LSAMP: variants seen among roughly 807,000 people sequenced by gnomAD.
LSAMP encodes the protein limbic system-associated membrane protein.
Under a neutral mutation model 38.6 loss-of-function variants are expected in LSAMP, and 7 were observed. The ratio of observed to expected loss-of-function variants is 0.18; its 90% CI spans 0.10 to 0.34. The LOEUF (loss-of-function observed/expected upper bound fraction) is 0.34, where lower values mean the gene tolerates loss of function less well. LSAMP is among the 10% of genes least tolerant of loss of function. LSAMP has a pLI of 1.00. For missense variants in LSAMP, 313 were observed against 420.0 expected (o/e 0.75, Z 2.23); for synonymous variants, 154 against 166.8 (o/e 0.92, Z 0.59).
intron 3 of LSAMP, among the ~76,000 whole-genome samples, chr3:115,916,376 A>G (rs1937251700): frequency 1.3e-5 from 2 of 152,224 alleles, no homozygotes; most frequent in African/African-American, 4.8e-5. Context: ...GCAGATAGAA[A>G]TTTAATATAC....
At chr3:116,254,749 G>A (rs1260852047) in intron 1 of LSAMP, among the ~76,000 whole-genome samples, 1 of 152,082 alleles carries the variant, frequency 6.6e-6, no homozygotes, top group Admixed American at 6.6e-5. Flanking sequence ...TTTGGAAGAT[G>A]CACCAATGGT....
At chr3:116,365,937 G>A (rs1451245237) in intron 1 of LSAMP, among the ~76,000 whole-genome samples, 7 of 88,780 alleles carry the variant, frequency 7.9e-5, no homozygotes, top group Admixed American at 1.5e-4. Context: ...TGGGTGCAGC[G>A]CACCAGCATG....
chr3:116,245,373 TACAG>T (rs2107642464), intron 1 of LSAMP, among the ~76,000 whole-genome samples: 1 of 152,288 alleles, frequency 6.6e-6, no homozygotes, highest in East Asian at 1.9e-4. Context: ...TAATACATGT[TACAG>T]ACAAATAATC....
intron 1 of LSAMP, among the ~76,000 whole-genome samples, chr3:116,212,324 C>CT (rs906957265): frequency 1.3e-5 from 2 of 152,030 alleles, no homozygotes; most frequent in African/African-American, 2.4e-5. Flanking sequence ...GTGAAGGTTT[C>CT]TTTTTTTGTT....
chr3:116,191,244 A>G (rs1442391170), intron 1 of LSAMP, among the ~76,000 whole-genome samples: 2 of 152,136 alleles, frequency 1.3e-5, no homozygotes, highest in African/African-American at 4.8e-5. Flanking sequence ...ACAAACAAAC[A>G]AAACGAATGC....
chr3:116,270,563 T>C (rs1162778334), intron 1 of LSAMP, among the ~76,000 whole-genome samples: 3 of 152,108 alleles, frequency 2.0e-5, no homozygotes, highest in East Asian at 1.9e-4. Context: ...AAATGAAACA[T>C]TGGTTATGTT....
intron 1 of LSAMP, among the ~76,000 whole-genome samples, chr3:116,371,365 A>G (rs983924524): frequency 4.6e-5 from 7 of 152,192 alleles, no homozygotes; most frequent in African/African-American, 1.7e-4. Context: ...AATAGAATTT[A>G]TTCCTGGAAT....
intron 1 of LSAMP, among the ~76,000 whole-genome samples, chr3:116,249,171 C>T (rs1339213188): frequency 1.4e-5 from 2 of 145,020 alleles, no homozygotes; most frequent in Non-Finnish European, 3.0e-5. Flanking sequence ...AAGGACTAAA[C>T]TTAAACAACA....
intron 3 of LSAMP, among the ~76,000 whole-genome samples, chr3:115,923,340 C>T (rs1371987935): frequency 6.6e-6 from 1 of 152,188 alleles, no homozygotes; most frequent in African/African-American, 2.4e-5. Context: ...GTGGCAAAGG[C>T]TGATGCATAT....
chr3:115,945,709 C>A (rs1038326564), intron 3 of LSAMP, among the ~76,000 whole-genome samples: 1 of 152,042 alleles, frequency 6.6e-6, no homozygotes, highest in Admixed American at 6.6e-5. Flanking sequence ...GGAAATCAGA[C>A]CTTAGCTTTA....
chr3:115,875,664 C>T (rs551475486), intron 3 of LSAMP, among the ~76,000 whole-genome samples: 1 of 152,058 alleles, frequency 6.6e-6, no homozygotes, highest in Admixed American at 6.6e-5. Flanking sequence ...AGGCAAAGCT[C>T]GCTAGATTAG....
At position 116,445,282 on chromosome 3, in the gene LSAMP, A is replaced by G. The variant is rs1703113657; in HGVS notation, c.-251T>C. The G allele has an allele frequency of 1.4e-5, 8 of 587,290 alleles. No individual in the cohort carries two copies. Among genetic ancestry groups the G allele is most frequent in the Admixed American group, 3.1e-5 (1 of 31,938 alleles). The allele number at this position is 587,290 out of a possible 1,614,324, so 36.4% of individuals were successfully genotyped here. On this transcript the variant is annotated 5_prime_UTR_variant, in exon 1 of 7. Coordinates refer to ENST00000490035, the MANE Select transcript of LSAMP (RefSeq NM_002338.5). Reference sequence around the variant, plus strand: ...AAAGCAACACAATTTCAAAAGAGAGAGTGCAAATAGCAAGCCCTCTGGAAG... The same window carrying G: ...AAAGCAACACAATTTCAAAAGAGAGGGTGCAAATAGCAAGCCCTCTGGAAG...
Position 116,148,116 on chromosome 3 carries a change from C to CT in LSAMP, c.156-61561dup, listed in dbSNP as rs59321353. ...TTTGCTTGTTCTACAAAAACATGTGCTTTTTTTTTTTTTAATTCATGAGGA... is the reference window on the plus strand; with the variant it reads ...TTTGCTTGTTCTACAAAAACATGTGCTTTTTTTTTTTTTTAATTCATGAGGA... On this transcript the variant is annotated intron_variant, in intron 1 of 6. Transcript: ENST00000490035. Among the ~76,000 whole-genome samples the CT allele has an allele frequency of 7.2e-3, 1,029 of 142,024 alleles. 15 individuals are homozygous for CT. The highest frequency in any genetic ancestry group is 0.022 in the African/African-American group (869 of 38,936). 93.2% of individuals were successfully genotyped at this position (142,024 alleles called of 152,430 possible). A position where few individuals can be genotyped will look rare whatever the true frequency, so the allele number is the denominator to read the frequency against.
chr3:115,930,446 A>G (rs1937563444), intron 3 of LSAMP, among the ~76,000 whole-genome samples: 1 of 152,092 alleles, frequency 6.6e-6, no homozygotes, highest in Non-Finnish European at 1.5e-5. Context: ...CTAATTTGCT[A>G]CTAGGGAAAG....
intron 1 of LSAMP, among the ~76,000 whole-genome samples, chr3:116,272,313 G>A (rs576807404): frequency 1.1e-4 from 17 of 152,142 alleles, no homozygotes; most frequent in Non-Finnish European, 1.8e-4. Context: ...AAATAACAAT[G>A]GACAACAAAA....
At chr3:116,149,673 T>C (rs1709567316) in intron 1 of LSAMP, among the ~76,000 whole-genome samples, 1 of 151,996 alleles carries the variant, frequency 6.6e-6, no homozygotes, top group South Asian at 2.1e-4. Flanking sequence ...CAGCTGTTGC[T>C]ATTACAGACA....
chr3:115,981,404 A>G (rs1185111820), intron 3 of LSAMP, among the ~76,000 whole-genome samples: 1 of 151,242 alleles, frequency 6.6e-6, no homozygotes, highest in South Asian at 2.1e-4. Context: ...TTTTTTCCCT[A>G]TTGTTGACAG....
intron 1 of LSAMP, among the ~76,000 whole-genome samples, chr3:116,146,488 A>G (rs1039058331): frequency 2.6e-5 from 4 of 151,990 alleles, no homozygotes; most frequent in African/African-American, 7.2e-5. Flanking sequence ...AAAAAGCTCA[A>G]TATGAGTCAA....
chr3:115,821,718 A>C (rs1934245862), intron 6 of LSAMP, among the ~76,000 whole-genome samples: 1 of 152,218 alleles, frequency 6.6e-6, no homozygotes, highest in Non-Finnish European at 1.5e-5. Context: ...GTCCAAATTC[A>C]GTAGGGATTT....
Sources: allele counts gnomAD v4.1 joint callset (sites outside exome capture counted in the v4.1 genomes callset), GRCh38; gene constraint gnomAD v4.1.1; transcripts MANE v1.5; gene names NCBI Gene and HGNC (gene_info 2026-07-23, HGNC 2026-07-21).